DHRS7B: variants seen among roughly 807,000 people sequenced by gnomAD.
DHRS7B encodes peroxisomal reductase activating PPAR-gamma.
Under a neutral mutation model 26.4 loss-of-function variants are expected in DHRS7B, and 24 were observed. That is an observed-to-expected ratio of 0.91 (90% CI 0.66 to 1.28). The LOEUF (loss-of-function observed/expected upper bound fraction) is 1.28, where lower values mean the gene tolerates loss of function less well. DHRS7B is among the 50% of genes most tolerant of loss of function. The pLI, the probability that DHRS7B is intolerant of heterozygous loss-of-function variation, is 0.00. For missense variants in DHRS7B, 368 were observed against 419.4 expected (o/e 0.88, Z 1.07); for synonymous variants, 142 against 166.4 (o/e 0.85, Z 1.13).
chr17:21,142,886 T>C (rs1973555024), intron 1 of DHRS7B, among the ~76,000 whole-genome samples: 1 of 152,224 alleles, frequency 6.6e-6, no homozygotes, highest in African/African-American at 2.4e-5. Flanking sequence ...GAGCCCAAGA[T>C]ATTTTCCTTT....
intron 3 of DHRS7B, among the ~76,000 whole-genome samples, chr17:21,183,102 G>T (rs1408908836): frequency 1.3e-5 from 2 of 152,114 alleles, no homozygotes. Flanking sequence ...TTCTTCTTGA[G>T]TCAGTTTAGG....
intron 1 of DHRS7B, among the ~76,000 whole-genome samples, chr17:21,169,099 T>A (rs1462151117): frequency 6.6e-6 from 1 of 152,222 alleles, no homozygotes; most frequent in Non-Finnish European, 1.5e-5. Context: ...CCTGCTTTGC[T>A]GGCCTTGATA....
intron 1 of DHRS7B, among the ~76,000 whole-genome samples, chr17:21,157,014 G>A (rs1394134802): frequency 1.3e-5 from 2 of 151,762 alleles, no homozygotes; most frequent in Non-Finnish European, 2.9e-5. Context: ...CAAAACTCAC[G>A]CAATAAGAAA....
At chr17:21,162,276 G>A (rs1479375857) in intron 1 of DHRS7B, among the ~76,000 whole-genome samples, 2 of 152,128 alleles carry the variant, frequency 1.3e-5, no homozygotes, top group East Asian at 1.9e-4. Flanking sequence ...GCCGTAATTC[G>A]TTTTAGTGAT....
chr17:21,171,570 T>G (rs1279574930), intron 1 of DHRS7B: 1 of 298,212 alleles, frequency 3.4e-6, no homozygotes, highest in Admixed American at 4.4e-5. Flanking sequence ...AGGATAAGAA[T>G]TGGTACGACT....
At chr17:21,181,554 T>C (rs1185943747) in intron 3 of DHRS7B, among the ~76,000 whole-genome samples, 2 of 152,208 alleles carry the variant, frequency 1.3e-5, no homozygotes, top group African/African-American at 2.4e-5. Context: ...AAAGGGCTGA[T>C]TTTATCCTTT....
intron 1 of DHRS7B, among the ~76,000 whole-genome samples, chr17:21,165,593 G>C (rs1256867927): frequency 6.6e-6 from 1 of 152,146 alleles, no homozygotes; most frequent in Non-Finnish European, 1.5e-5. Context: ...AAAATGGTGA[G>C]ATTACAGGTG....
chr17:21,183,573 G>C, intron 3 of DHRS7B, 21 bp from the exon 4 acceptor site: 1 of 1,610,598 alleles, frequency 6.2e-7, no homozygotes. Context: ...AAGTGAATTT[G>C]TATCTGTTGT....
chr17:21,189,313 C>T (rs772878929), intron 6 of DHRS7B, among the ~76,000 whole-genome samples: 1 of 152,180 alleles, frequency 6.6e-6, no homozygotes. Flanking sequence ...AGGATGAGGC[C>T]GAGTGCAGCA....
chr17:21,176,439 A>G (rs2144158819), intron 2 of DHRS7B, among the ~76,000 whole-genome samples: 1 of 152,112 alleles, frequency 6.6e-6, no homozygotes, highest in African/African-American at 2.4e-5. Flanking sequence ...CCATCTCTAC[A>G]AAAATACAAA....
At chr17:21,158,198 T>G (rs909142999) in intron 1 of DHRS7B, among the ~76,000 whole-genome samples, 4 of 152,218 alleles carry the variant, frequency 2.6e-5, no homozygotes, top group Non-Finnish European at 5.9e-5. Flanking sequence ...GGATGTTCCC[T>G]CTCACCACTG....
intron 5 of DHRS7B, among the ~76,000 whole-genome samples, chr17:21,186,370 G>C (rs1974634950): frequency 6.6e-6 from 1 of 152,248 alleles, no homozygotes; most frequent in Non-Finnish European, 1.5e-5. Context: ...AGCTGTCAGA[G>C]TGTAGCCTTC....
intron 1 of DHRS7B, among the ~76,000 whole-genome samples, chr17:21,132,360 T>TAG (rs1406084588): frequency 0.016 from 2,357 of 146,924 alleles, 59 homozygotes; most frequent in African/African-American, 0.056. Flanking sequence ...TATATATATA[T>TAG]ATAGATAGAT....
At chr17:21,179,762 CTT>C (rs55928399) in intron 3 of DHRS7B, among the ~76,000 whole-genome samples, 34 of 137,600 alleles carry the variant, frequency 2.5e-4, no homozygotes, top group South Asian at 4.6e-4. Context: ...TTTTCACTTT[CTT>C]TTTTTTTTTT....
At chr17:21,154,132 A>G (rs1973830329) in intron 1 of DHRS7B, among the ~76,000 whole-genome samples, 1 of 152,092 alleles carries the variant, frequency 6.6e-6, no homozygotes, top group Non-Finnish European at 1.5e-5. Flanking sequence ...AAACATGGTG[A>G]AACCCTGTCT....
At chr17:21,136,249 C>T (rs1248788721) in intron 1 of DHRS7B, among the ~76,000 whole-genome samples, 4 of 151,636 alleles carry the variant, frequency 2.6e-5, no homozygotes, top group Non-Finnish European at 2.9e-5. Flanking sequence ...TTGCAGTGAG[C>T]CGAGATCACA....
At chr17:21,184,078 C>T (rs1266817033) in intron 4 of DHRS7B, among the ~76,000 whole-genome samples, 1 of 152,148 alleles carries the variant, frequency 6.6e-6, no homozygotes, top group Non-Finnish European at 1.5e-5. Context: ...ATTTTTATGT[C>T]CCACCATGGA....
intron 1 of DHRS7B, among the ~76,000 whole-genome samples, chr17:21,167,019 A>C (rs79025534): frequency 6.6e-6 from 1 of 152,172 alleles, no homozygotes; most frequent in Non-Finnish European, 1.5e-5. Flanking sequence ...CTTTAAAAAA[A>C]AAAATGCTCG....
chr17:21,151,636 A>G (rs1176347489), intron 1 of DHRS7B, among the ~76,000 whole-genome samples: 1 of 152,198 alleles, frequency 6.6e-6, no homozygotes, highest in Non-Finnish European at 1.5e-5. Flanking sequence ...GTTGCCCCCA[A>G]AATAAAAGAC....
Sources: allele counts gnomAD v4.1 joint callset (sites outside exome capture counted in the v4.1 genomes callset), GRCh38; gene constraint gnomAD v4.1.1; transcripts MANE v1.5; gene names NCBI Gene and HGNC (gene_info 2026-07-23, HGNC 2026-07-21).